GRIK4: variants seen among roughly 807,000 people sequenced by gnomAD.
GRIK4 encodes glutamate receptor ionotropic, kainate 4.
GRIK4 carries 40 observed loss-of-function variants against 104.9 expected under a neutral mutation model. The ratio of observed to expected loss-of-function variants is 0.38; its 90% CI spans 0.30 to 0.50. The LOEUF is 0.50. GRIK4 is among the 20% of genes least tolerant of loss of function. GRIK4 has a pLI of 0.93. For synonymous variants in GRIK4, 485 were observed against 524.9 expected (o/e 0.92, Z 1.04); for missense variants, 1,047 against 1,308.1 (o/e 0.80, Z 3.08).
intron 3 of GRIK4, among the ~76,000 whole-genome samples, chr11:120,761,179 T>G (rs764728671): frequency 6.6e-6 from 1 of 152,236 alleles, no homozygotes; most frequent in Non-Finnish European, 1.5e-5. Flanking sequence ...GGTTTTGATT[T>G]GAATTTCTCT....
Position 120,898,546 on chromosome 11 carries a change from C to T in GRIK4, c.1179C>T (p.His393=), listed in dbSNP as rs777879481. Residue 393 remains histidine (H), a synonymous_variant, in exon 12 of 21, where the codon CAC becomes CAT. Coordinates refer to ENST00000527524, the MANE Select transcript of GRIK4 (RefSeq NM_014619.5). ...RNGFRQIGQW[H]VAEGLSMDSH... ...GGTCTCCTCAGATCGGCCAGTGGCA[C>T]GTGGCAGAGGGCCTCAGCATGGACA... 8.7e-6 allele frequency: 14 copies of T among 1,601,400 alleles called. No homozygotes were observed. In the East Asian group the frequency reaches 1.1e-4, roughly 13 times the overall value.
intron 14 of GRIK4, among the ~76,000 whole-genome samples, chr11:120,949,990 C>T (rs1368753476): frequency 6.6e-6 from 1 of 152,196 alleles, no homozygotes; most frequent in Non-Finnish European, 1.5e-5. Context: ...ATGCCTATGG[C>T]ATATGACACC....
chr11:120,634,774 A>T (rs1043054233), intron 1 of GRIK4, among the ~76,000 whole-genome samples: 3 of 152,052 alleles, frequency 2.0e-5, no homozygotes, highest in African/African-American at 4.8e-5. Flanking sequence ...CGTGGGCAGG[A>T]GGGGGCGATT....
intron 13 of GRIK4, among the ~76,000 whole-genome samples, chr11:120,908,017 C>T (rs1942907749): frequency 6.6e-6 from 1 of 152,124 alleles, no homozygotes; most frequent in South Asian, 2.1e-4. Flanking sequence ...TGACCCCTTT[C>T]CCAAGCTGCA....
chr11:120,717,228 T>C (rs1359040256), intron 3 of GRIK4, among the ~76,000 whole-genome samples: 1 of 152,162 alleles, frequency 6.6e-6, no homozygotes, highest in Admixed American at 6.5e-5. Flanking sequence ...GCAAGGTAGC[T>C]AATGGCTGGG....
intron 3 of GRIK4, among the ~76,000 whole-genome samples, chr11:120,782,937 G>A (rs1013851550): frequency 1.3e-5 from 2 of 152,138 alleles, no homozygotes; most frequent in Non-Finnish European, 2.9e-5. Flanking sequence ...TCTGCCTTCC[G>A]AAGAGTGCAT....
intron 1 of GRIK4, chr11:120,620,053 T>G: frequency 1.6e-6 from 1 of 638,528 alleles, no homozygotes; most frequent in Non-Finnish European, 2.9e-6. Context: ...CGTGCATACT[T>G]TTGATAGCAC....
intron 3 of GRIK4, among the ~76,000 whole-genome samples, chr11:120,721,688 G>C (rs551896282): frequency 1.3e-5 from 2 of 152,102 alleles, no homozygotes; most frequent in Admixed American, 1.3e-4. Context: ...GGTGGCTGGT[G>C]GTCCAGAGTG....
At chr11:120,535,622 T>A (rs1161462680) in intron 1 of GRIK4, among the ~76,000 whole-genome samples, 1 of 152,066 alleles carries the variant, frequency 6.6e-6, no homozygotes, top group African/African-American at 2.4e-5. Context: ...CAGCTCGGGA[T>A]CCCGGTTCTA....
At chr11:120,577,461 C>T (rs888401656) in intron 1 of GRIK4, among the ~76,000 whole-genome samples, 1 of 151,946 alleles carries the variant, frequency 6.6e-6, no homozygotes, top group Admixed American at 6.5e-5. Context: ...GACACCATCT[C>T]GGGGGGTTCG....
At chr11:120,561,357 T>A (rs1948236940) in intron 1 of GRIK4, among the ~76,000 whole-genome samples, 1 of 152,232 alleles carries the variant, frequency 6.6e-6, no homozygotes, top group Admixed American at 6.5e-5. Context: ...GCTACTGGGC[T>A]TTGAGCTTTC....
chr11:120,619,974 G>C (rs1949165103), intron 1 of GRIK4: 1 of 473,684 alleles, frequency 2.1e-6, no homozygotes, highest in Admixed American at 3.8e-5. Context: ...TTCTAGTGCA[G>C]TTTCAGTGTA....
chr11:120,522,224 C>T (rs548626839), intron 1 of GRIK4, among the ~76,000 whole-genome samples: 35 of 152,330 alleles, frequency 2.3e-4, no homozygotes, highest in African/African-American at 7.2e-4. Context: ...GTGCCTTGCC[C>T]GGCGTAGGGA....
At chr11:120,751,802 T>G (rs1476855646) in intron 3 of GRIK4, among the ~76,000 whole-genome samples, 1 of 152,138 alleles carries the variant, frequency 6.6e-6, no homozygotes, top group Non-Finnish European at 1.5e-5. Context: ...GCTCCTGTGC[T>G]CCCCTCAGCA....
At chr11:120,702,217 G>C (rs934654367) in intron 3 of GRIK4, among the ~76,000 whole-genome samples, 2 of 152,170 alleles carry the variant, frequency 1.3e-5, no homozygotes, top group Non-Finnish European at 2.9e-5. Context: ...GCCTCCCAAA[G>C]TGCTGGGATT....
intron 1 of GRIK4, among the ~76,000 whole-genome samples, chr11:120,552,220 A>T (rs1027651452): frequency 3.9e-5 from 6 of 152,196 alleles, no homozygotes; most frequent in African/African-American, 1.4e-4. Context: ...ATCTGAGTTT[A>T]TCTCCAGGTA....
intron 3 of GRIK4, among the ~76,000 whole-genome samples, chr11:120,748,982 G>T (rs1951496791): frequency 6.6e-6 from 1 of 152,160 alleles, no homozygotes; most frequent in East Asian, 1.9e-4. Flanking sequence ...TTAACTTTTT[G>T]ATCCAGGCTT....
Position 120,679,264 on chromosome 11 carries a change from C to G in GRIK4, c.82+18864C>G, listed in dbSNP as rs115911945. On this transcript the variant is annotated intron_variant, in intron 3 of 20. Coordinates refer to ENST00000527524, the MANE Select transcript of GRIK4 (RefSeq NM_014619.5). ...CAAGCCCTGTCTGCCTCTGGAGAGA[C>G]CACATGTCCCTTATACTGCCCTGCC... Among the ~76,000 whole-genome samples the G allele has an allele frequency of 6.3e-3, 963 of 152,298 alleles. 5 individuals carry two copies. The highest frequency in any genetic ancestry group is 0.021 in the African/African-American group (882 of 41,558).
At chr11:120,648,797 CTT>C (rs1445909973) in intron 1 of GRIK4, among the ~76,000 whole-genome samples, 1 of 129,960 alleles carries the variant, frequency 7.7e-6, no homozygotes, top group Non-Finnish European at 1.6e-5. Flanking sequence ...ATTAACCAGA[CTT>C]TTTAAGTGAA....
Sources: gnomAD v4.1 joint callset for allele counts (sites outside exome capture counted in the v4.1 genomes callset) on GRCh38, gnomAD v4.1.1 for gene constraint, MANE v1.5 for transcripts, NCBI Gene and HGNC (gene_info 2026-07-23, HGNC 2026-07-21) for gene names.